CACNA2D4: variants seen among roughly 807,000 people sequenced by gnomAD.
The protein encoded by CACNA2D4 is voltage-dependent calcium channel subunit alpha-2/delta-4.
Under a neutral mutation model 163.8 loss-of-function variants are expected in CACNA2D4, and 157 were observed. That is an observed-to-expected ratio of 0.96 (90% CI 0.84 to 1.09). The LOEUF is 1.09. Among genes scored for constraint, CACNA2D4 ranks in the 50% least tolerant of loss-of-function variants. CACNA2D4 has a pLI of 0.00. For missense variants in CACNA2D4, 1,410 were observed against 1,479.9 expected, an observed-to-expected ratio of 0.95 and a Z score of 0.78; for synonymous variants, 598 against 586.9, an observed-to-expected ratio of 1.02 and a Z score of -0.27.
intron 4 of CACNA2D4, 119 bp downstream of exon 4, chr12:1,909,786 AG>A: frequency 1.3e-6 from 1 of 770,246 alleles, no homozygotes. Context: ...AGGGGTGAGC[AG>A]TAAATGTCTA....
chr12:1,854,727 C>T (rs1047036006), intron 22 of CACNA2D4, among the ~76,000 whole-genome samples: 14 of 152,144 alleles, frequency 9.2e-5, no homozygotes, highest in African/African-American at 3.1e-4. Context: ...TTTGACCTTG[C>T]CAAGCTCCTC....
chr12:1,831,567 G>C (rs202139748), intron 26 of CACNA2D4: 3 of 1,510,466 alleles, frequency 2.0e-6, no homozygotes, highest in Non-Finnish European at 2.7e-6. Context: ...GGATTGGGAC[G>C]ATCACCTCTG....
chr12:1,879,579 C>A (rs939212849), intron 14 of CACNA2D4, among the ~76,000 whole-genome samples: 4 of 152,212 alleles, frequency 2.6e-5, no homozygotes, highest in African/African-American at 9.7e-5. Context: ...CTACTCCCAG[C>A]CAGCCTGCAG....
chr12:1,816,478 C>T (rs1863875831), intron 26 of CACNA2D4, among the ~76,000 whole-genome samples: 1 of 149,934 alleles, frequency 6.7e-6, no homozygotes. Flanking sequence ...GACCTGGGTC[C>T]CTTCCCTCCC....
intron 23 of CACNA2D4, among the ~76,000 whole-genome samples, chr12:1,853,431 AAT>A (rs1309719136): frequency 6.6e-6 from 1 of 152,130 alleles, no homozygotes; most frequent in Non-Finnish European, 1.5e-5. Flanking sequence ...ACATCTTCAC[AAT>A]GTTGAATCTT....
intron 6 of CACNA2D4, among the ~76,000 whole-genome samples, chr12:1,900,760 C>T (rs1866518441): frequency 6.6e-6 from 1 of 152,144 alleles, no homozygotes; most frequent in African/African-American, 2.4e-5. Context: ...CAGCTGGAGA[C>T]TTCAACACCC....
At chr12:1,810,243 C>T in intron 29 of CACNA2D4, 35 bp downstream of exon 29, 1 of 1,565,292 alleles carries the variant, frequency 6.4e-7, no homozygotes, top group South Asian at 1.1e-5. Flanking sequence ...CTCCTGCCGC[C>T]CTCTCCCCCT....
At chr12:1,896,010 G>T (rs565503361) in intron 6 of CACNA2D4, among the ~76,000 whole-genome samples, 3 of 152,254 alleles carry the variant, frequency 2.0e-5, no homozygotes, top group Admixed American at 6.5e-5. Context: ...TCAATAAATG[G>T]TGCTGGGAAA....
At chr12:1,848,733 A>C (rs1297088033) in intron 23 of CACNA2D4, among the ~76,000 whole-genome samples, 3 of 149,688 alleles carry the variant, frequency 2.0e-5, no homozygotes, top group Non-Finnish European at 3.0e-5. Context: ...CAAGTATTTT[A>C]ATATATTTCA....
Position 1,801,706 on chromosome 12 carries a change from C to T in CACNA2D4, c.2722-62G>A, listed in dbSNP as rs182211477. The T allele has an allele frequency of 6.9e-3, 8,010 of 1,168,672 alleles. 165 individuals are homozygous for T. Among genetic ancestry groups the T allele is most frequent in the Admixed American group, 0.016 (726 of 45,596 alleles). The allele number at this position is 1,168,672 out of a possible 1,614,324, so 72.4% of individuals were successfully genotyped here. ...AGAGATGGAGCAGGATGGAGCCTTCCGAGTCCAGCACTATTTATTCAGCTC... is the reference window on the plus strand; with the variant it reads ...AGAGATGGAGCAGGATGGAGCCTTCTGAGTCCAGCACTATTTATTCAGCTC... On this transcript the variant is annotated intron_variant, in intron 29 of 37. Transcript: ENST00000382722.
At chr12:1,811,819 T>G (rs1863721859) in intron 26 of CACNA2D4, 96 bp from the exon 27 acceptor site, 1 of 1,245,298 alleles carries the variant, frequency 8.0e-7, no homozygotes, top group African/African-American at 1.5e-5. Context: ...CCGCAGGAAC[T>G]GAGGAGAGAG....
rs1461263197 is a variant in CACNA2D4, at chr12:1,829,529, G to A, written c.2551+11210C>T. ...GCTGTTAGGCTGCAGGGAGGCCTGG[G>A]CCAGATCTAGCCACGTGTCAGCTCT... On this transcript the variant is annotated intron_variant, in intron 26 of 37. Coordinates refer to ENST00000382722, the MANE Select transcript of CACNA2D4 (RefSeq NM_172364.5). This position sits in a 1 kb window ranked among gnomAD's most constrained non-coding sequence, Gnocchi z 4.2. Among the ~76,000 whole-genome samples the A allele has an allele frequency of 6.6e-6, 1 of 152,108 alleles. No individual in the cohort carries two copies. The highest frequency in any genetic ancestry group is 1.5e-5 in the Non-Finnish European group (1 of 68,018).
chr12:1,881,019 C>T (rs1865983063), intron 13 of CACNA2D4, among the ~76,000 whole-genome samples: 1 of 152,196 alleles, frequency 6.6e-6, no homozygotes, highest in Admixed American at 6.5e-5. Context: ...CAAGGGCGGA[C>T]ACCTGCCCTG....
At chr12:1,894,809 TC>T (rs1866363965) in intron 6 of CACNA2D4, among the ~76,000 whole-genome samples, 1 of 152,152 alleles carries the variant, frequency 6.6e-6, no homozygotes, top group Non-Finnish European at 1.5e-5. Flanking sequence ...TGAAAGCCTT[TC>T]TTCTAAGAAC....
In CACNA2D4 at chr12:1,802,963, G is replaced by C. The variant is rs1863390642; in HGVS notation, c.2722-1319C>G. The stretch of plus-strand genomic sequence containing the variant: ...AATTCCCCAAAGTGTCTTGGTACCT[G>C]GACATACTCAGTCAGTGTGGAATGT... On this transcript the variant is annotated intron_variant, in intron 29 of 37. Transcript: ENST00000382722. The surrounding 1 kb of genome is among the most constrained non-coding windows in gnomAD (Gnocchi z 4.7). 6.6e-6 allele frequency among the ~76,000 whole-genome samples: 1 copy of C among 152,186 alleles called. No homozygotes were observed. Among genetic ancestry groups the C allele is most frequent in the Non-Finnish European group, 1.5e-5 (1 of 68,042 alleles).
intron 26 of CACNA2D4, chr12:1,831,397 A>C: frequency 6.2e-7 from 1 of 1,614,122 alleles, no homozygotes; most frequent in South Asian, 1.1e-5. Context: ...AACCGTCTGC[A>C]GAATCTGGAC....
intron 37 of CACNA2D4, among the ~76,000 whole-genome samples, chr12:1,794,852 A>G (rs1312235868): frequency 1.3e-5 from 2 of 152,122 alleles, no homozygotes; most frequent in Non-Finnish European, 2.9e-5. Context: ...CCCAGAAGCC[A>G]GGGGCTTGGA....
chr12:1,878,687 G>A lies in CACNA2D4; in HGVS notation c.1644+269C>T, dbSNP rs1865931326. 6.6e-6 allele frequency among the ~76,000 whole-genome samples: 1 copy of A among 152,212 alleles called. No individual in the cohort carries two copies. Among genetic ancestry groups the A allele is most frequent in the South Asian group, 2.1e-4 (1 of 4,824 alleles). ...ACTCACCCTTACAGCAGGACTGTGT[G>A]GCACGGAGGAGCAGACTGAGAAACT... On this transcript the variant is annotated intron_variant, in intron 15 of 37. Coordinates refer to ENST00000382722, the MANE Select transcript of CACNA2D4 (RefSeq NM_172364.5). This position sits in a 1 kb window ranked among gnomAD's most constrained non-coding sequence, Gnocchi z 4.6.
At chr12:1,809,574 G>C in intron 29 of CACNA2D4, 1 of 702,470 alleles carries the variant, frequency 1.4e-6, no homozygotes, top group Non-Finnish European at 2.6e-6. Context: ...CTGGCTAAAG[G>C]AATAATCCAT....
Sources: allele counts gnomAD v4.1 joint callset (sites outside exome capture counted in the v4.1 genomes callset), GRCh38; gene constraint gnomAD v4.1.1; non-coding constraint Gnocchi (gnomAD v3.1); transcripts MANE v1.5; gene names NCBI Gene and HGNC (gene_info 2026-07-23, HGNC 2026-07-21).